TMEM117: variants seen among roughly 807,000 people sequenced by gnomAD.
The protein encoded by TMEM117 is transmembrane protein 117.
A neutral mutation model predicts 52.4 loss-of-function variants in TMEM117; 27 were observed. The observed-to-expected ratio is 0.51, with a 90% CI of 0.38 to 0.71. The LOEUF is 0.71. Among genes scored for constraint, TMEM117 ranks in the 30% least tolerant of loss-of-function variants. The probability of loss-of-function intolerance (pLI) is 0.00; values close to 1 mark genes in which losing one functional copy is unlikely to be tolerated. For missense variants in TMEM117, 556 were observed against 630.5 expected (o/e 0.88, Z 1.26); for synonymous variants, 215 against 206.3 (o/e 1.04, Z -0.36).
intron 6 of TMEM117, among the ~76,000 whole-genome samples, chr12:44,351,123 T>TTGAGCACC (rs1951556274): frequency 6.6e-6 from 1 of 152,042 alleles, no homozygotes; most frequent in Admixed American, 6.6e-5. Context: ...ATCAGTGATG[T>TTGAGCACC]TTTCATATGC....
intron 4 of TMEM117, among the ~76,000 whole-genome samples, chr12:44,206,956 C>G (rs887454320): frequency 6.6e-6 from 1 of 152,100 alleles, no homozygotes; most frequent in Non-Finnish European, 1.5e-5. Context: ...CATGTACTCC[C>G]TGAACTGAAA....
intron 3 of TMEM117, among the ~76,000 whole-genome samples, chr12:43,985,313 A>G (rs934445779): frequency 2.0e-5 from 3 of 152,198 alleles, no homozygotes; most frequent in African/African-American, 7.2e-5. Context: ...GCAATGAAAC[A>G]TTGAAAATTA....
chr12:44,117,395 C>T (rs1029920169), intron 3 of TMEM117, among the ~76,000 whole-genome samples: 2 of 151,938 alleles, frequency 1.3e-5, no homozygotes, highest in African/African-American at 4.8e-5. Context: ...CAGTTGTCCT[C>T]TTTGATCTTT....
intron 6 of TMEM117, among the ~76,000 whole-genome samples, chr12:44,315,244 T>A (rs988883599): frequency 6.6e-6 from 1 of 152,208 alleles, no homozygotes; most frequent in African/African-American, 2.4e-5. Context: ...GGGGTCTGAA[T>A]TTCATTCAAT....
rs533201318 is a variant in TMEM117, at chr12:44,139,493, G to A, written c.411-4032G>A. 6.9e-4 allele frequency among the ~76,000 whole-genome samples: 62 copies of A among 89,826 alleles called. No homozygotes were observed. The East Asian group carries it at 9.7e-3, about 14-fold the overall frequency. 58.9% of individuals were successfully genotyped at this position (89,826 alleles called of 152,430 possible). On this transcript the variant is annotated intron_variant, in intron 3 of 7. Coordinates refer to ENST00000266534, the MANE Select transcript of TMEM117 (RefSeq NM_032256.3). ...AGATCTTGTATATTGAAATCTCCAC[G>A]TTTGTTATGGATTTGATGGTTAAGG... is the stretch of plus-strand genomic sequence containing the variant.
chr12:43,881,537 C>T (rs922610775), intron 2 of TMEM117, among the ~76,000 whole-genome samples: 1 of 152,170 alleles, frequency 6.6e-6, no homozygotes, highest in East Asian at 1.9e-4. Flanking sequence ...TGCCTGTAAT[C>T]CCAACACTTT....
At chr12:43,977,929 T>C (rs1945699109) in intron 3 of TMEM117, among the ~76,000 whole-genome samples, 1 of 152,218 alleles carries the variant, frequency 6.6e-6, no homozygotes. Flanking sequence ...TGGATACATG[T>C]ACATATGTAG....
the TMEM117 span, chr12:43,800,639 A>C: frequency 2.5e-6 from 2 of 784,742 alleles, no homozygotes; most frequent in African/African-American, 3.5e-5. Context: ...AACAAAACTG[A>C]GCTGAAGTCC....
At chr12:43,883,588 T>C (rs569426322) in intron 2 of TMEM117, among the ~76,000 whole-genome samples, 1 of 152,202 alleles carries the variant, frequency 6.6e-6, no homozygotes, top group Non-Finnish European at 1.5e-5. Flanking sequence ...TTATGAGTGG[T>C]TATAAGGGAA....
At chr12:44,391,767 C>A (rs993586792), downstream of TMEM117, among the ~76,000 whole-genome samples, 1 of 152,166 alleles carries the variant, frequency 6.6e-6, no homozygotes, top group Non-Finnish European at 1.5e-5. Context: ...GACCTCAGTA[C>A]CCTGCCATTG....
the TMEM117 span, chr12:43,804,230 T>C: frequency 4.1e-6 from 2 of 489,314 alleles, no homozygotes; most frequent in Non-Finnish European, 4.0e-6. Flanking sequence ...AAATGGACTG[T>C]GGTGCAGAAA....
chr12:43,952,455 A>T lies in TMEM117; in HGVS notation c.410+8113A>T, dbSNP rs75479177. Among the ~76,000 whole-genome samples the T allele has an allele frequency of 2.0e-4, 31 of 152,222 alleles. 1 individual carries two copies. The East Asian group carries it at 5.2e-3, about 26-fold the overall frequency. The stretch of plus-strand genomic sequence containing the variant: ...TCTGTAGAGGAACATAAATGACCTG[A>T]TGGGTCTGAAAAACACAGCAAGAGA... On this transcript the variant is annotated intron_variant, in intron 3 of 7. Coordinates refer to ENST00000266534, the MANE Select transcript of TMEM117 (RefSeq NM_032256.3).
chr12:44,015,231 A>T (rs994608436), intron 3 of TMEM117, among the ~76,000 whole-genome samples: 1 of 152,182 alleles, frequency 6.6e-6, no homozygotes, highest in African/African-American at 2.4e-5. Context: ...AATTTAAATT[A>T]GAAGTCTTAA....
intron 2 of TMEM117, among the ~76,000 whole-genome samples, chr12:43,854,916 C>T (rs1305126551): frequency 6.6e-6 from 1 of 152,170 alleles, no homozygotes; most frequent in Non-Finnish European, 1.5e-5. Flanking sequence ...GGATTACAGG[C>T]GTGAGCCACC....
At chr12:44,117,253 C>T (rs1342835365) in intron 3 of TMEM117, among the ~76,000 whole-genome samples, 2 of 152,176 alleles carry the variant, frequency 1.3e-5, no homozygotes, top group Non-Finnish European at 2.9e-5. Flanking sequence ...AATGTTTCCA[C>T]CTCTCTTTTC....
chr12:44,275,399 A>G (rs1359222363), intron 5 of TMEM117, among the ~76,000 whole-genome samples: 1 of 152,140 alleles, frequency 6.6e-6, no homozygotes, highest in African/African-American at 2.4e-5. Flanking sequence ...GTTCTTCAGA[A>G]AACTAAAAAT....
At chr12:44,131,596 T>C (rs1270697982) in intron 3 of TMEM117, among the ~76,000 whole-genome samples, 3 of 152,184 alleles carry the variant, frequency 2.0e-5, no homozygotes, top group Non-Finnish European at 4.4e-5. Flanking sequence ...TTTCACATTT[T>C]CTATGGGAAT....
chr12:43,802,749 A>C, the TMEM117 span, among the ~76,000 whole-genome samples: 3 of 152,214 alleles, frequency 2.0e-5, no homozygotes, highest in African/African-American at 7.2e-5. Flanking sequence ...CAAATAATGT[A>C]ATGACCTATA....
Position 44,340,466 on chromosome 12 carries a change from G to T in TMEM117, c.769-36129G>T, listed in dbSNP as rs58093009. On this transcript the variant is annotated intron_variant, in intron 6 of 7. Coordinates refer to ENST00000266534, the MANE Select transcript of TMEM117 (RefSeq NM_032256.3). The stretch of plus-strand genomic sequence containing the variant: ...GCTTTCTACTTTCCTGAGAAAGTTT[G>T]CCAGCATTACCACAGTTCCGTTCTC... 3.9e-3 allele frequency among the ~76,000 whole-genome samples: 589 copies of T among 152,160 alleles called. 6 individuals are homozygous for T. The highest frequency in any genetic ancestry group is 0.014 in the African/African-American group (570 of 41,532).
Sources: allele counts gnomAD v4.1 joint callset (sites outside exome capture counted in the v4.1 genomes callset), GRCh38; gene constraint gnomAD v4.1.1; transcripts MANE v1.5; gene names NCBI Gene and HGNC (gene_info 2026-07-23, HGNC 2026-07-21).